IFT46: variants seen among roughly 807,000 people sequenced by gnomAD.
IFT46 encodes the protein intraflagellar transport protein 46 homolog.
Under a neutral mutation model 39.6 loss-of-function variants are expected in IFT46, and 19 were observed. The observed-to-expected ratio is 0.48, with a 90% confidence interval of 0.33 to 0.70. The LOEUF (loss-of-function observed/expected upper bound fraction) is 0.70. IFT46 is among the 30% of genes least tolerant of loss of function. The pLI is 0.01. For synonymous variants in IFT46, 117 were observed against 134.8 expected, an observed-to-expected ratio of 0.87 and a Z score of 0.91; for missense variants, 334 against 364.8, an observed-to-expected ratio of 0.92 and a Z score of 0.69.
chr11:118,558,068 C>CG (rs1555069908), intron 3 of IFT46, among the ~76,000 whole-genome samples: 1 of 152,178 alleles, frequency 6.6e-6, no homozygotes, highest in Non-Finnish European at 1.5e-5. Context: ...ACACCAAAAA[C>CG]TGCTTTTAGT....
At position 118,557,350 on chromosome 11, in the gene IFT46, G is replaced by A. The variant is rs781971185; in HGVS notation, c.46-305C>T. 120 of 391,158 alleles carry A rather than the reference G, an allele frequency of 3.1e-4. 1 individual carries two copies. Among genetic ancestry groups the A allele is most frequent in the South Asian group, 4.1e-4 (9 of 21,936 alleles). The allele number at this position is 391,158 out of a possible 1,614,324, so 24.2% of individuals were successfully genotyped here. On this transcript the variant is annotated intron_variant, in intron 3 of 11. Transcript: ENST00000264021. ...CCCTGTGTACACTTTAGACAGCTTC[G>A]GCCCGAAAAGCTATGGACTTTCAAA...
intron 7 of IFT46, among the ~76,000 whole-genome samples, chr11:118,552,609 A>G (rs1555068720): frequency 6.6e-6 from 1 of 152,148 alleles, no homozygotes; most frequent in East Asian, 1.9e-4. Flanking sequence ...CCTGGGCAAC[A>G]TAGTGAGACC....
chr11:118,556,738 A>G (rs1369473046), intron 4 of IFT46, among the ~76,000 whole-genome samples, 168 bp downstream of exon 4: 1 of 152,200 alleles, frequency 6.6e-6, no homozygotes, highest in Non-Finnish European at 1.5e-5. Context: ...GGAGTCAGAA[A>G]GGGAGGAAAA....
At chr11:118,567,453 G>A (rs1419775525), upstream of IFT46, among the ~76,000 whole-genome samples, 3 of 151,718 alleles carry the variant, frequency 2.0e-5, no homozygotes, top group African/African-American at 7.3e-5. Flanking sequence ...GCGCGCGCCT[G>A]TAATCCCAGC....
chr11:118,572,754 G>C, exon 1 of IFT46: 1 of 529,274 alleles, frequency 1.9e-6, no homozygotes. Context: ...ATCTGTCGTC[G>C]TGCCCGCTTC....
chr11:118,557,925 G>A, intron 3 of IFT46: 1 of 1,538,476 alleles, frequency 6.5e-7, no homozygotes, highest in Admixed American at 2.2e-5. Context: ...TTTAAAAGTA[G>A]GTTTTCAAAA....
At chr11:118,552,823 C>T (rs1258888912) in intron 7 of IFT46, among the ~76,000 whole-genome samples, 2 of 150,120 alleles carry the variant, frequency 1.3e-5, no homozygotes, top group African/African-American at 4.9e-5. Context: ...CAGTGGCTCA[C>T]ACCTGCAGTC....
chr11:118,568,551 AAATAAATAAATAAAT>A (rs1202776275), upstream of IFT46, among the ~76,000 whole-genome samples: 1 of 151,984 alleles, frequency 6.6e-6, no homozygotes, highest in Admixed American at 6.6e-5. Context: ...GACTGTCTCA[AAATAAATAAATAAAT>A]AATAAATAAA....
At chr11:118,566,853 C>G (rs1360660995), upstream of IFT46, among the ~76,000 whole-genome samples, 1 of 152,080 alleles carries the variant, frequency 6.6e-6, no homozygotes, top group Non-Finnish European at 1.5e-5. Context: ...GTGGATGAAT[C>G]GAGGAATGAG....
intron 3 of IFT46, chr11:118,557,250 A>C (rs1219875586): frequency 6.4e-6 from 3 of 466,110 alleles, no homozygotes; most frequent in Non-Finnish European, 1.1e-5. Flanking sequence ...CTAGAACCCT[A>C]TTCCATTTCT....
chr11:118,571,703 C>T (rs1218366001), intron 1 of IFT46, among the ~76,000 whole-genome samples: 2 of 152,220 alleles, frequency 1.3e-5, no homozygotes, highest in Non-Finnish European at 1.5e-5. Context: ...ATCTTTTGCT[C>T]ATTTTAATTT....
intron 9 of IFT46, 38 bp from the exon 10 acceptor site, chr11:118,545,891 G>T: frequency 6.3e-7 from 1 of 1,581,594 alleles, no homozygotes; most frequent in Non-Finnish European, 8.7e-7. Flanking sequence ...CAAAAGGATG[G>T]TGTCAGTGGT....
chr11:118,563,807 C>T (rs1938140643), intron 2 of IFT46, among the ~76,000 whole-genome samples: 1 of 152,256 alleles, frequency 6.6e-6, no homozygotes, highest in East Asian at 1.9e-4. Context: ...ATCTCACATA[C>T]TGTTTCCTCT....
chr11:118,563,382 T>C (rs952899211), intron 2 of IFT46, among the ~76,000 whole-genome samples: 1 of 152,222 alleles, frequency 6.6e-6, no homozygotes. Context: ...ATGTACTTAA[T>C]GTTATTTAAT....
chr11:118,573,876 G>A (rs1938418326), upstream of IFT46: 1 of 496,814 alleles, frequency 2.0e-6, no homozygotes, highest in South Asian at 3.2e-5. Context: ...TCTCCAGGAG[G>A]TTCTGTATTT....
At chr11:118,546,409 T>C (rs1555067178) in intron 9 of IFT46, 1 of 455,028 alleles carries the variant, frequency 2.2e-6, no homozygotes. Flanking sequence ...GAGGACTGCT[T>C]GAGTCCAGCA....
intron 2 of IFT46, among the ~76,000 whole-genome samples, chr11:118,564,527 A>G (rs1268741420): frequency 6.6e-6 from 1 of 152,152 alleles, no homozygotes; most frequent in Admixed American, 6.6e-5. Flanking sequence ...CCTTGGTAAC[A>G]TAGCGAGGCC....
At chr11:118,555,136 T>C in intron 5 of IFT46, 53 bp from the exon 6 acceptor site, 1 of 1,543,994 alleles carries the variant, frequency 6.5e-7, no homozygotes, top group Non-Finnish European at 9.0e-7. Flanking sequence ...GTTACTTTAC[T>C]ATTCAGGCTA....
chr11:118,557,774 C>A (rs782287796), intron 3 of IFT46: 2 of 1,614,114 alleles, frequency 1.2e-6, no homozygotes, highest in South Asian at 1.1e-5. Flanking sequence ...ACCATCCCAC[C>A]CTCTCAAGTA....
Sources: gnomAD v4.1 joint callset for allele counts (sites outside exome capture counted in the v4.1 genomes callset) on GRCh38, gnomAD v4.1.1 for gene constraint, MANE v1.5 for transcripts, NCBI Gene and HGNC (gene_info 2026-07-23, HGNC 2026-07-21) for gene names.